The following CDH13 variants were observed in gnomAD, a reference collection of about 807,000 sequenced individuals.
The protein encoded by CDH13 is cadherin 13.
CDH13 carries 24 observed loss-of-function variants against 63.8 expected under a neutral mutation model. The ratio of observed to expected loss-of-function variants is 0.38; its 90% CI spans 0.27 to 0.53. The LOEUF is 0.53. CDH13 is among the 20% of genes least tolerant of loss of function. The pLI is 0.85. For missense variants in CDH13, 1,049 were observed against 903.1 expected, an observed-to-expected ratio of 1.16 and a Z score of -2.07; for synonymous variants, 503 against 355.3, an observed-to-expected ratio of 1.42 and a Z score of -4.67.
intron 5 of CDH13, among the ~76,000 whole-genome samples, chr16:83,296,368 G>A (rs2089597267): frequency 6.6e-6 from 1 of 152,106 alleles, no homozygotes; most frequent in African/African-American, 2.4e-5. Flanking sequence ...TGTTGTTAGT[G>A]CCTGGACAAT....
In CDH13 at chr16:83,190,616, A is replaced by G. The variant is rs530209919; in HGVS notation, c.484-26729A>G. Among the ~76,000 whole-genome samples the G allele has an allele frequency of 1.0e-3, 154 of 152,332 alleles. 1 individual carries two copies. The highest frequency in any genetic ancestry group is 1.4e-3 in the Non-Finnish European group (94 of 68,030). ...TCATTAGGATGGGTCTTCCTAAATT[A>G]TAGAGACTGATCAATTTACATGCCA... On this transcript the variant is annotated intron_variant, in intron 4 of 13. Transcript: ENST00000567109.
intron 1 of CDH13, among the ~76,000 whole-genome samples, chr16:82,848,147 A>G (rs991799225): frequency 2.6e-5 from 4 of 152,206 alleles, no homozygotes; most frequent in African/African-American, 4.8e-5. Flanking sequence ...CATTGACACT[A>G]GTAAGGTTCT....
chr16:82,815,293 C>G (rs965397701), intron 1 of CDH13, among the ~76,000 whole-genome samples: 1 of 152,138 alleles, frequency 6.6e-6, no homozygotes, highest in Admixed American at 6.5e-5. Flanking sequence ...CCACCCATGA[C>G]TAGTCACAGG....
intron 5 of CDH13, among the ~76,000 whole-genome samples, chr16:83,224,611 C>T (rs543566566): frequency 1.6e-4 from 24 of 152,324 alleles, no homozygotes; most frequent in East Asian, 1.4e-3. Context: ...GCCAGACCTA[C>T]GGAGGGAAGA....
chr16:82,716,883 G>A (rs537265354), intron 1 of CDH13, among the ~76,000 whole-genome samples: 7 of 151,960 alleles, frequency 4.6e-5, no homozygotes, highest in African/African-American at 1.2e-4. Flanking sequence ...CGGGTCCGTC[G>A]TAAGATGCAC....
intron 1 of CDH13, among the ~76,000 whole-genome samples, chr16:82,731,417 G>A (rs1054980625): frequency 6.6e-6 from 1 of 152,204 alleles, no homozygotes; most frequent in Non-Finnish European, 1.5e-5. Context: ...CATAAAGAAT[G>A]CAAATTAAAT....
intron 6 of CDH13, among the ~76,000 whole-genome samples, chr16:83,384,012 A>T (rs187743153): frequency 6.2e-4 from 94 of 152,314 alleles, no homozygotes; most frequent in Non-Finnish European, 3.8e-4. Context: ...ACATATATAC[A>T]CATGGGTACA....
intron 5 of CDH13, among the ~76,000 whole-genome samples, chr16:83,270,630 G>A (rs1408176416): frequency 6.6e-6 from 1 of 152,046 alleles, no homozygotes; most frequent in African/African-American, 2.4e-5. Context: ...GTGCATGAAG[G>A]CCCTCATTGA....
At chr16:83,428,162 A>T (rs1276387749) in intron 6 of CDH13, among the ~76,000 whole-genome samples, 1 of 152,186 alleles carries the variant, frequency 6.6e-6, no homozygotes, top group Non-Finnish European at 1.5e-5. Flanking sequence ...TTGACTGCTC[A>T]TGTTTATTAT....
intron 3 of CDH13, among the ~76,000 whole-genome samples, chr16:83,104,884 C>T (rs1442104363): frequency 6.6e-6 from 1 of 152,142 alleles, no homozygotes; most frequent in Non-Finnish European, 1.5e-5. Flanking sequence ...CCAAATCGAT[C>T]GAGTTCTGGC....
At chr16:82,656,306 G>GGTGTGC (rs925397423) in intron 1 of CDH13, among the ~76,000 whole-genome samples, 1 of 147,198 alleles carries the variant, frequency 6.8e-6, no homozygotes, top group Non-Finnish European at 1.5e-5. Flanking sequence ...GCATTTGAAT[G>GGTGTGC]GTGTGCGTGT....
At chr16:83,325,509 G>C (rs1013002072) in intron 5 of CDH13, among the ~76,000 whole-genome samples, 6 of 152,170 alleles carry the variant, frequency 3.9e-5, no homozygotes, top group Admixed American at 2.6e-4. Flanking sequence ...GACCCTTTCT[G>C]CTGTTACTCA....
chr16:83,032,080 C>G lies in CDH13; in HGVS notation c.228C>G (p.Asn76Lys), dbSNP rs369679692. 17 of 1,611,944 alleles carry G rather than the reference C, an allele frequency of 1.1e-5. No individual in the cohort carries two copies. In the African/African-American group the frequency reaches 2.0e-4, roughly 19 times the overall value. Reference protein sequence around the residue: ...YEVSSPYFKVNSDGGLVALRN... With the variant: ...YEVSSPYFKVKSDGGLVALRN... Reference sequence around the variant, plus strand: ...TCTCGAGCCCATACTTCAAGGTGAACAGCGATGGCGGCTTAGTTGCTCTGA... The same window carrying G: ...TCTCGAGCCCATACTTCAAGGTGAAGAGCGATGGCGGCTTAGTTGCTCTGA... The change falls in exon 3 of 14, where the codon AAC (asparagine) becomes AAG (lysine). Residue 76 changes from asparagine to lysine, a missense_variant. Physicochemically the swap from Asn to Lys is moderately conservative, Grantham distance 94. Transcript: ENST00000567109.
intron 10 of CDH13, among the ~76,000 whole-genome samples, chr16:83,740,967 G>C (rs535657011): frequency 2.0e-5 from 3 of 152,334 alleles, no homozygotes; most frequent in Non-Finnish European, 2.9e-5. Context: ...AATGCAGGTA[G>C]AAAGTCAGGC....
chr16:83,448,045 G>A (rs1334352198), intron 6 of CDH13, among the ~76,000 whole-genome samples: 2 of 152,176 alleles, frequency 1.3e-5, no homozygotes, highest in South Asian at 2.1e-4. Context: ...GGGAATGAGA[G>A]GAAAAGCACA....
chr16:83,126,679 T>A (rs1363650880), intron 4 of CDH13, among the ~76,000 whole-genome samples: 1 of 152,144 alleles, frequency 6.6e-6, no homozygotes, highest in Non-Finnish European at 1.5e-5. Context: ...AATTAAACGT[T>A]TGAAAAGGAA....
At chr16:83,151,027 A>G (rs901459671) in intron 4 of CDH13, among the ~76,000 whole-genome samples, 2 of 152,288 alleles carry the variant, frequency 1.3e-5, no homozygotes, top group African/African-American at 4.8e-5. Context: ...GGTGACAAGC[A>G]TATAGTAGGT....
chr16:82,738,414 T>C (rs1225517943), intron 1 of CDH13, among the ~76,000 whole-genome samples: 1 of 152,078 alleles, frequency 6.6e-6, no homozygotes, highest in Non-Finnish European at 1.5e-5. Flanking sequence ...CTTGCCGGAG[T>C]CCTCACCTGA....
At chr16:83,703,776 G>C (rs965621690) in intron 10 of CDH13, among the ~76,000 whole-genome samples, 3 of 152,142 alleles carry the variant, frequency 2.0e-5, no homozygotes, top group Middle Eastern at 3.2e-3. Context: ...CTCCCTCAGA[G>C]GTACTATGTT....
Sources: gnomAD v4.1 joint callset for allele counts (sites outside exome capture counted in the v4.1 genomes callset) on GRCh38, gnomAD v4.1.1 for gene constraint, MANE v1.5 for transcripts, NCBI Gene and HGNC (gene_info 2026-07-23, HGNC 2026-07-21) for gene names.